The following FAM185A variants were observed in gnomAD, a reference collection of about 807,000 sequenced individuals.
FAM185A encodes the protein protein FAM185A.
FAM185A carries 21 observed loss-of-function variants against 45.7 expected under a neutral mutation model. That is an observed-to-expected ratio of 0.46 (90% CI 0.33 to 0.66). The LOEUF is 0.66. FAM185A is among the 30% of genes least tolerant of loss of function. The probability of loss-of-function intolerance (pLI) is 0.03; values close to 1 mark genes in which losing one functional copy is unlikely to be tolerated. For missense variants in FAM185A, 305 were observed against 485.4 expected, an observed-to-expected ratio of 0.63 and a Z score of 3.49; for synonymous variants, 117 against 194.0, an observed-to-expected ratio of 0.60 and a Z score of 3.30.
At chr7:102,806,431 C>T (rs927565868) in intron 7 of FAM185A, among the ~76,000 whole-genome samples, 2 of 152,134 alleles carry the variant, frequency 1.3e-5, no homozygotes, top group Non-Finnish European at 2.9e-5. Flanking sequence ...GTGACCTGCC[C>T]GTCTTGGTCT....
At chr7:102,765,359 G>A (rs1229894564) in intron 4 of FAM185A, among the ~76,000 whole-genome samples, 3 of 152,120 alleles carry the variant, frequency 2.0e-5, no homozygotes, top group East Asian at 1.9e-4. Flanking sequence ...TTAGCTCCAT[G>A]GTAGCATTCA....
chr7:102,792,967 T>C (rs1440893344), intron 7 of FAM185A, among the ~76,000 whole-genome samples: 1 of 152,206 alleles, frequency 6.6e-6, no homozygotes, highest in Non-Finnish European at 1.5e-5. Flanking sequence ...ATCCAGTCTT[T>C]TGATATGACT....
At chr7:102,843,397 C>T in the FAM185A span, among the ~76,000 whole-genome samples, 2 of 152,064 alleles carry the variant, frequency 1.3e-5, no homozygotes, top group East Asian at 1.9e-4. Flanking sequence ...GAGCCAACAT[C>T]GCACCACTCC....
chr7:102,848,901 G>C, the FAM185A span, among the ~76,000 whole-genome samples: 1 of 152,160 alleles, frequency 6.6e-6, no homozygotes, highest in East Asian at 1.9e-4. Context: ...TCGGGAGGCT[G>C]AGGCAGGGGA....
the FAM185A span, among the ~76,000 whole-genome samples, chr7:102,831,431 A>ACACACACACACCCCC: frequency 3.4e-5 from 5 of 147,126 alleles, no homozygotes; most frequent in African/African-American, 1.2e-4. Context: ...ACACACACAC[A>ACACACACACACCCCC]CCCCACTACA....
chr7:102,807,294 A>G lies in FAM185A; in HGVS notation c.1067-996A>G, dbSNP rs1797176492. On this transcript the variant is annotated intron_variant, in intron 7 of 7. Coordinates refer to ENST00000413034, the MANE Select transcript of FAM185A (RefSeq NM_001145268.2). ...TGTTGACTATCTTGATTAAGGAAAT[A>G]TGGTTCACAGATTTTTACCTATGTC... Among the ~76,000 whole-genome samples the G allele has an allele frequency of 4.6e-5, 7 of 152,246 alleles. No homozygotes were observed. The South Asian group carries it at 1.5e-3, about 32-fold the overall frequency.
intron 6 of FAM185A, among the ~76,000 whole-genome samples, chr7:102,780,831 C>T (rs1005317901): frequency 1.6e-4 from 25 of 152,316 alleles, no homozygotes; most frequent in South Asian, 4.1e-4. Flanking sequence ...GTGGGCGCAG[C>T]GCACCGAGCG....
At chr7:102,841,249 G>GTT in the FAM185A span, among the ~76,000 whole-genome samples, 2 of 145,672 alleles carry the variant, frequency 1.4e-5, no homozygotes, top group African/African-American at 2.5e-5. Flanking sequence ...CAATCTGACA[G>GTT]TTTTTTTTTT....
chr7:102,749,026 G>A lies in FAM185A; in HGVS notation c.-182G>A, dbSNP rs1006226758. 2.5e-5 allele frequency: 24 copies of A among 946,576 alleles called. No individual in the cohort carries two copies. Among genetic ancestry groups the A allele is most frequent in the Non-Finnish European group, 3.8e-5 (23 of 605,206 alleles). The allele number at this position is 946,576 out of a possible 1,614,324, so 58.6% of individuals were successfully genotyped here. On this transcript the variant is annotated 5_prime_UTR_variant, in exon 1 of 8. Transcript: ENST00000413034. ...AGCTTTCAAATCCCAACTTGCCCCT[G>A]GGGATTGCGCGGCTGATGTTTAGAA...
At chr7:102,839,678 C>T in the FAM185A span, among the ~76,000 whole-genome samples, 2 of 152,062 alleles carry the variant, frequency 1.3e-5, no homozygotes, top group East Asian at 3.9e-4. Context: ...AACTCCTGAC[C>T]TCAGGGATCC....
chr7:102,798,372 C>A (rs1261453701), intron 7 of FAM185A, among the ~76,000 whole-genome samples: 3 of 152,178 alleles, frequency 2.0e-5, no homozygotes, highest in Non-Finnish European at 4.4e-5. Flanking sequence ...TACTTATTGG[C>A]AAGATAGAGA....
chr7:102,802,498 A>T (rs1796855083), intron 7 of FAM185A, among the ~76,000 whole-genome samples: 1 of 152,224 alleles, frequency 6.6e-6, no homozygotes, highest in African/African-American at 2.4e-5. Context: ...ACTGAAGGAC[A>T]ATAGTGACAC....
chr7:102,756,226 A>G (rs554202927), intron 2 of FAM185A, among the ~76,000 whole-genome samples: 1 of 152,258 alleles, frequency 6.6e-6, no homozygotes, highest in South Asian at 2.1e-4. Flanking sequence ...CAAGTGATCC[A>G]TATCTCTTTA....
chr7:102,765,716 T>C (rs1282533775), intron 4 of FAM185A, among the ~76,000 whole-genome samples: 1 of 152,154 alleles, frequency 6.6e-6, no homozygotes, highest in Non-Finnish European at 1.5e-5. Context: ...GCTAATTGAC[T>C]AGTCATATTT....
the FAM185A span, chr7:102,832,836 A>G: frequency 6.2e-7 from 1 of 1,614,180 alleles, no homozygotes; most frequent in Non-Finnish European, 8.5e-7. Context: ...ACTCCTGCAC[A>G]TACCTTTGGA....
intron 4 of FAM185A, among the ~76,000 whole-genome samples, chr7:102,770,698 A>T (rs1010865820): frequency 4.6e-5 from 7 of 152,068 alleles, no homozygotes; most frequent in Non-Finnish European, 1.0e-4. Flanking sequence ...AAAAATAAGT[A>T]AAAAAACAAC....
downstream of FAM185A, among the ~76,000 whole-genome samples, chr7:102,812,249 A>G (rs1219368914): frequency 2.0e-5 from 3 of 152,260 alleles, no homozygotes; most frequent in African/African-American, 7.2e-5. Context: ...CAGCACATAT[A>G]CTAAAACCTA....
At chr7:102,792,983 T>A (rs1310441012) in intron 7 of FAM185A, among the ~76,000 whole-genome samples, 2 of 152,212 alleles carry the variant, frequency 1.3e-5, no homozygotes, top group Admixed American at 1.3e-4. Context: ...TGACTAACTC[T>A]TGGAAATAGC....
At chr7:102,791,868 G>A (rs1296397257) in intron 7 of FAM185A, among the ~76,000 whole-genome samples, 1 of 151,872 alleles carries the variant, frequency 6.6e-6, no homozygotes, top group East Asian at 1.9e-4. Context: ...TGTATCAACT[G>A]GATGAAATAA....
Sources: allele counts gnomAD v4.1 joint callset (sites outside exome capture counted in the v4.1 genomes callset), GRCh38; gene constraint gnomAD v4.1.1; transcripts MANE v1.5; gene names NCBI Gene and HGNC (gene_info 2026-07-23, HGNC 2026-07-21).